Variants in XKR4 observed in about 807,000 individuals in gnomAD.
XKR4 encodes the protein XK related 4.
Under a neutral mutation model 53.9 loss-of-function variants are expected in XKR4, and 12 were observed. That is an observed-to-expected ratio of 0.22 (90% CI 0.14 to 0.36). The LOEUF (loss-of-function observed/expected upper bound fraction) is 0.36, where lower values mean the gene tolerates loss of function less well. Among genes scored for constraint, XKR4 ranks in the 10% least tolerant of loss-of-function variants. The probability of loss-of-function intolerance (pLI) is 1.00; values close to 1 mark genes in which losing one functional copy is unlikely to be tolerated. For synonymous variants in XKR4, 354 were observed against 362.4 expected (o/e 0.98, Z 0.26); for missense variants, 799 against 859.5 (o/e 0.93, Z 0.88).
At chr8:55,402,067 C>T (rs1379509809) in intron 2 of XKR4, among the ~76,000 whole-genome samples, 2 of 152,176 alleles carry the variant, frequency 1.3e-5, no homozygotes, top group African/African-American at 4.8e-5. Context: ...GTATCTCCTT[C>T]TGTATTCAAT....
intron 2 of XKR4, among the ~76,000 whole-genome samples, chr8:55,500,460 C>T (rs1432213638): frequency 1.3e-5 from 2 of 152,186 alleles, no homozygotes; most frequent in Non-Finnish European, 2.9e-5. Context: ...TCTCTAAGCA[C>T]TTATTAAGCA....
intron 1 of XKR4, among the ~76,000 whole-genome samples, chr8:55,195,222 T>G (rs1181654468): frequency 6.9e-6 from 1 of 144,110 alleles, no homozygotes; most frequent in Admixed American, 6.9e-5. Flanking sequence ...CATCAGATTT[T>G]ACTATTAATG....
intron 1 of XKR4, among the ~76,000 whole-genome samples, chr8:55,129,920 A>G (rs576442508): frequency 6.6e-6 from 1 of 152,132 alleles, no homozygotes; most frequent in South Asian, 2.1e-4. Context: ...TGGAGAAAGG[A>G]GGAGACAGGT....
At chr8:55,297,274 C>T (rs890037473) in intron 1 of XKR4, among the ~76,000 whole-genome samples, 1 of 152,134 alleles carries the variant, frequency 6.6e-6, no homozygotes, top group African/African-American at 2.4e-5. Context: ...ATGAGTAATA[C>T]TGGATTAAAA....
rs891941864 is a variant in XKR4, at chr8:55,529,802, G to C, written c.*5575G>C. 6.6e-6 allele frequency: 1 copy of C among 152,074 alleles called. No individual in the cohort carries two copies. The highest frequency in any genetic ancestry group is 1.5e-5 in the Non-Finnish European group (1 of 68,010). The allele number at this position is 152,074 out of a possible 1,614,324, so 9.4% of individuals were successfully genotyped here. On this transcript the variant is annotated 3_prime_UTR_variant, in exon 3 of 3. Transcript: ENST00000327381. ...AAGAAAATTTTATTTAAAAGTCAAA[G>C]ATGTCCTTCAAAATGAACAGTTAAA...
chr8:55,307,168 C>G (rs1189343389), intron 1 of XKR4, among the ~76,000 whole-genome samples: 1 of 152,090 alleles, frequency 6.6e-6, no homozygotes, highest in East Asian at 1.9e-4. Context: ...AAAACATTTG[C>G]TCTGTGGAAG....
intron 2 of XKR4, among the ~76,000 whole-genome samples, chr8:55,392,606 T>C (rs2063030): frequency 0.71 from 108,041 of 151,984 alleles, 39,558 homozygotes; most frequent in African/African-American, 0.89. Flanking sequence ...GCCTGGACAA[T>C]ATAGCCAAAC....
At chr8:55,180,743 G>A (rs1340760861) in intron 1 of XKR4, among the ~76,000 whole-genome samples, 1 of 152,158 alleles carries the variant, frequency 6.6e-6, no homozygotes, top group Admixed American at 6.5e-5. Flanking sequence ...ATGTTAGCCA[G>A]GCTGGCCTTG....
At position 55,483,948 on chromosome 8, in the gene XKR4, G is replaced by A. The variant is rs148731785; in HGVS notation, c.1007-39333G>A. On this transcript the variant is annotated intron_variant, in intron 2 of 2. Transcript: ENST00000327381. ...AATAAAATTGACAAACCTCTCACGA[G>A]ACTGACAAAGAAAAAGGAGAGAAGA... is the stretch of plus-strand genomic sequence containing the variant. Among the ~76,000 whole-genome samples, 39 of 152,206 alleles carry A rather than the reference G, an allele frequency of 2.6e-4. No individual in the cohort carries two copies. In the East Asian group the frequency reaches 7.1e-3, roughly 28 times the overall value.
rs563098780 is a variant in XKR4, at chr8:55,432,806, C to G, written c.1006+74929C>G. 5.3e-5 allele frequency among the ~76,000 whole-genome samples: 8 copies of G among 151,664 alleles called. No individual in the cohort carries two copies. In the South Asian group the frequency reaches 8.3e-4, roughly 16 times the overall value. ...TGGCCCTCTAAAATCTAGGCTCTTT[C>G]CCTGCTTGATCTTACCTTTCCTTCT... is the stretch of plus-strand genomic sequence containing the variant. On this transcript the variant is annotated intron_variant, in intron 2 of 2. Transcript: ENST00000327381.
At chr8:55,461,371 A>G (rs1001448246) in intron 2 of XKR4, among the ~76,000 whole-genome samples, 4 of 152,254 alleles carry the variant, frequency 2.6e-5, no homozygotes, top group African/African-American at 9.6e-5. Flanking sequence ...CAGGGTCTGG[A>G]GTGGACCTCC....
intron 2 of XKR4, among the ~76,000 whole-genome samples, chr8:55,410,044 T>A (rs1804751517): frequency 6.6e-6 from 1 of 152,118 alleles, no homozygotes; most frequent in Non-Finnish European, 1.5e-5. Flanking sequence ...AATTGCTGTA[T>A]TTCTGTTTGC....
At chr8:55,235,292 A>G (rs529824660) in intron 1 of XKR4, among the ~76,000 whole-genome samples, 3 of 152,328 alleles carry the variant, frequency 2.0e-5, no homozygotes, top group East Asian at 1.9e-4. Flanking sequence ...TCATCCTGAC[A>G]CTAATTACAT....
chr8:55,207,893 C>T (rs757104760), intron 1 of XKR4, among the ~76,000 whole-genome samples: 44 of 152,250 alleles, frequency 2.9e-4, no homozygotes, highest in Non-Finnish European at 5.9e-4. Flanking sequence ...TCTCTTCTTC[C>T]TCAACTCCCC....
intron 1 of XKR4, among the ~76,000 whole-genome samples, chr8:55,176,656 G>A (rs1055030604): frequency 6.6e-6 from 1 of 152,068 alleles, no homozygotes; most frequent in Non-Finnish European, 1.5e-5. Context: ...TTCTGACTTC[G>A]ACCTTATTTC....
At chr8:55,306,132 G>T (rs1015000851) in intron 1 of XKR4, among the ~76,000 whole-genome samples, 2 of 152,012 alleles carry the variant, frequency 1.3e-5, no homozygotes, top group African/African-American at 4.8e-5. Context: ...AAACAGAGAT[G>T]AAAAAAACTG....
chr8:55,338,205 T>C (rs914244740), intron 1 of XKR4, among the ~76,000 whole-genome samples: 2 of 152,226 alleles, frequency 1.3e-5, no homozygotes, highest in Non-Finnish European at 2.9e-5. Context: ...GTTTTAAAAT[T>C]TGCATCTTTT....
rs1254189029 is a variant in XKR4, at chr8:55,359,696, G to A, written c.1006+1819G>A. On this transcript the variant is annotated intron_variant, in intron 2 of 2. Coordinates refer to ENST00000327381, the MANE Select transcript of XKR4 (RefSeq NM_052898.2). ...TAAAAGATTTGGAAAATTATGGAGA[G>A]ATTTTTCTTCCAAAGATGATGGAGA... Among the ~76,000 whole-genome samples, 6 of 152,116 alleles carry A rather than the reference G, an allele frequency of 3.9e-5. 1 individual carries two copies. The highest frequency in any genetic ancestry group is 3.9e-4 in the Admixed American group (6 of 15,260).
chr8:55,313,718 T>G (rs1819418968), intron 1 of XKR4, among the ~76,000 whole-genome samples: 1 of 152,228 alleles, frequency 6.6e-6, no homozygotes, highest in South Asian at 2.1e-4. Flanking sequence ...CAAAAGCAAC[T>G]TCGAGTCACC....
Sources: gnomAD v4.1 joint callset for allele counts (sites outside exome capture counted in the v4.1 genomes callset) on GRCh38, gnomAD v4.1.1 for gene constraint, MANE v1.5 for transcripts, NCBI Gene and HGNC (gene_info 2026-07-23, HGNC 2026-07-21) for gene names.